Variants in SPOCK2 observed in about 807,000 individuals in gnomAD.
The protein encoded by SPOCK2 is testican-2.
Under a neutral mutation model 60.1 loss-of-function variants are expected in SPOCK2, and 39 were observed. The ratio of observed to expected loss-of-function variants is 0.65; its 90% CI spans 0.50 to 0.85. The LOEUF (loss-of-function observed/expected upper bound fraction) is 0.85. SPOCK2 is among the 40% of genes least tolerant of loss of function. The pLI is 0.00. For missense variants in SPOCK2, 523 were observed against 567.4 expected (o/e 0.92, Z 0.80); for synonymous variants, 217 against 231.5 (o/e 0.94, Z 0.57).
At chr10:72,077,592 T>C (rs1245561) in intron 1 of SPOCK2, among the ~76,000 whole-genome samples, 95,564 of 151,790 alleles carry the variant, frequency 0.63, 31,404 homozygotes, top group African/African-American at 0.84. Flanking sequence ...CGCTCTGTGC[T>C]TATGTCTAAT....
intron 8 of SPOCK2, among the ~76,000 whole-genome samples, chr10:72,066,178 T>G (rs1354490769): frequency 2.0e-5 from 3 of 152,162 alleles, no homozygotes; most frequent in Non-Finnish European, 4.4e-5. Flanking sequence ...ACAACGTATG[T>G]AATCACTTAT....
rs933960563 is a variant in SPOCK2, at chr10:72,074,025, G to C, written c.190-1115C>G. ...AGGGGCTCTGGGAGCTGGGGGGAGA[G>C]GGGCATGAGAAGCTACGCGCAGCTG... On this transcript the variant is annotated intron_variant, in intron 1 of 10. Coordinates refer to ENST00000373109, the MANE Select transcript of SPOCK2 (RefSeq NM_001244950.2). 2.0e-5 allele frequency among the ~76,000 whole-genome samples: 3 copies of C among 152,290 alleles called. No individual in the cohort carries two copies. The Middle Eastern group carries it at 0.01, about 518-fold the overall frequency.
At position 72,072,196 on chromosome 10, in the gene SPOCK2, C is replaced by T. The variant is rs375721745; in HGVS notation, c.307G>A (p.Ala103Thr). Residue 103 changes from alanine (A) to threonine (T), a missense_variant, in exon 4 of 11, where the codon GCC (alanine) becomes ACC (threonine). Transcript: ENST00000373109. ...VKCSRHKVCI[A>T]QGYQRAMCIS... is the part of the protein sequence containing the mutation. Reference sequence around the variant, plus strand: ...CACATGGCCCGCTGGTAGCCCTGGGCAATGCACACCTTGTGGCGGCTGCAC... The same window carrying T: ...CACATGGCCCGCTGGTAGCCCTGGGTAATGCACACCTTGTGGCGGCTGCAC... The T allele has an allele frequency of 4.5e-6, 7 of 1,560,566 alleles. No homozygotes were observed. The African/African-American group carries it at 5.4e-5, about 12-fold the overall frequency.
intron 1 of SPOCK2, among the ~76,000 whole-genome samples, chr10:72,078,432 A>T (rs1280665860): frequency 2.0e-5 from 3 of 152,102 alleles, no homozygotes; most frequent in Admixed American, 6.6e-5. Flanking sequence ...AATGGCGTGA[A>T]CCCGGTAGGC....
At chr10:72,082,411 T>C (rs1463072449) in intron 1 of SPOCK2, among the ~76,000 whole-genome samples, 1 of 151,986 alleles carries the variant, frequency 6.6e-6, no homozygotes, top group Admixed American at 6.6e-5. Context: ...AGAGACGGGG[T>C]TGTGGACTGC....
At chr10:72,088,609 T>C (rs1362301503), upstream of SPOCK2, 1 of 295,172 alleles carries the variant, frequency 3.4e-6, no homozygotes, top group Non-Finnish European at 6.1e-6. Flanking sequence ...TTTGACATCA[T>C]CATACCTGGT....
At chr10:72,088,823 G>A (rs1840903060), upstream of SPOCK2, 1 of 152,912 alleles carries the variant, frequency 6.5e-6, no homozygotes, top group Non-Finnish European at 1.5e-5. Context: ...TCTCCCCGGG[G>A]AAGATGGGAT....
At position 72,086,371 on chromosome 10, in the gene SPOCK2, A is replaced by G. The variant is rs1354864000; in HGVS notation, c.189+1769T>C. On this transcript the variant is annotated intron_variant, in intron 1 of 10. Coordinates refer to ENST00000373109, the MANE Select transcript of SPOCK2 (RefSeq NM_001244950.2). ...ACCCACGGAGCTGGCTATTGGAAGC[A>G]GGTGGAAGAAGGGAGGTGGGGAGGA... is the stretch of plus-strand genomic sequence containing the variant. 5 of 1,000,460 alleles carry G rather than the reference A, an allele frequency of 5.0e-6. No individual in the cohort carries two copies. The African/African-American group carries it at 8.7e-5, about 17-fold the overall frequency. The allele number at this position is 1,000,460 out of a possible 1,614,324, so 62.0% of individuals were successfully genotyped here. A position where few individuals can be genotyped will look rare whatever the true frequency, so the allele number is the denominator to read the frequency against.
intron 1 of SPOCK2, among the ~76,000 whole-genome samples, chr10:72,079,420 T>C (rs1840755191): frequency 6.6e-6 from 1 of 152,122 alleles, no homozygotes; most frequent in Non-Finnish European, 1.5e-5. Context: ...TCCAGGCATT[T>C]TTCAGAAACC....
chr10:72,073,591 G>C (rs1385237661), intron 1 of SPOCK2, among the ~76,000 whole-genome samples: 2 of 152,172 alleles, frequency 1.3e-5, no homozygotes, highest in African/African-American at 4.8e-5. Context: ...TTGTGCCGGA[G>C]AAAGCCCAGA....
intron 1 of SPOCK2, among the ~76,000 whole-genome samples, chr10:72,077,704 G>A (rs1258216868): frequency 1.3e-5 from 2 of 152,206 alleles, no homozygotes; most frequent in Admixed American, 6.5e-5. Context: ...CACACAAAGC[G>A]ATACAAGGTG....
chr10:72,081,427 G>A (rs76696890), intron 1 of SPOCK2, among the ~76,000 whole-genome samples: 6,568 of 152,312 alleles, frequency 0.043, 478 homozygotes, highest in African/African-American at 0.15. Flanking sequence ...AGCCTTGACC[G>A]ACTGGCAGGT....
chr10:72,087,427 C>T lies in SPOCK2; in HGVS notation c.189+713G>A, dbSNP rs1705202769. Reference sequence around the variant, plus strand: ...CCGGGCCGGGAGCCTTCCTCTGGCTCCGAGCTGCTCCCCTCGCTCCAGGCT... The same window carrying T: ...CCGGGCCGGGAGCCTTCCTCTGGCTTCGAGCTGCTCCCCTCGCTCCAGGCT... On this transcript the variant is annotated intron_variant, in intron 1 of 10. Coordinates refer to ENST00000373109, the MANE Select transcript of SPOCK2 (RefSeq NM_001244950.2). This position sits in a 1 kb window ranked among gnomAD's most constrained non-coding sequence, Gnocchi z 4.7. 6.6e-6 allele frequency among the ~76,000 whole-genome samples: 1 copy of T among 152,196 alleles called. No individual in the cohort carries two copies. Among genetic ancestry groups the T allele is most frequent in the South Asian group, 2.1e-4 (1 of 4,838 alleles).
In SPOCK2 at chr10:72,073,742, G is replaced by A. The variant is rs74370317; in HGVS notation, c.190-832C>T. Among the ~76,000 whole-genome samples, 490 of 152,330 alleles carry A rather than the reference G, an allele frequency of 3.2e-3. 5 individuals carry two copies. In the East Asian group the frequency reaches 0.033, roughly 10 times the overall value. ...TTCTCACCCTGCTCCAGCTGCAGGG[G>A]CCTCTCAGGCCCGTGGACCGCAGAG... On this transcript the variant is annotated intron_variant, in intron 1 of 10. Coordinates refer to ENST00000373109, the MANE Select transcript of SPOCK2 (RefSeq NM_001244950.2).
rs775974916 is a variant in SPOCK2, at chr10:72,063,021, G to C, written c.1129+4C>G. The C allele has an allele frequency of 8.3e-6, 13 of 1,559,682 alleles. No homozygotes were observed. The East Asian group carries it at 3.1e-4, about 37-fold the overall frequency. ...CAGCAGGCCCTGAGCTGCCCAGCCC[G>C]TACCGCAGTCGGGGCTCCCATGCGT... On this transcript the variant is annotated splice_donor_region_variant and intron_variant, in intron 10 of 10. Coordinates refer to ENST00000373109, the MANE Select transcript of SPOCK2 (RefSeq NM_001244950.2).
At chr10:72,066,587 A>C in intron 8 of SPOCK2, among the ~76,000 whole-genome samples, 1 of 145,150 alleles carries the variant, frequency 6.9e-6, no homozygotes, top group Admixed American at 7.0e-5. Context: ...TGATCCTCCC[A>C]CCTTGGCCTC....
chr10:72,067,014 G>A lies in SPOCK2; in HGVS notation c.816C>T (p.Ala272=), dbSNP rs1227956174. Residue 272 remains alanine (A), a synonymous_variant, in exon 8 of 11, where the codon GCC becomes GCT. Coordinates refer to ENST00000373109, the MANE Select transcript of SPOCK2 (RefSeq NM_001244950.2). ...DLFLDQTELA[A]INLDKYEVCI... ...AGACCTCGTACTTGTCCAGGTTGATGGCGGCCAGCTCCGTCTGGTCCAGGA... is the reference window on the plus strand; with the variant it reads ...AGACCTCGTACTTGTCCAGGTTGATAGCGGCCAGCTCCGTCTGGTCCAGGA... 2.5e-6 allele frequency: 4 copies of A among 1,614,220 alleles called. No homozygotes were observed. Among genetic ancestry groups the A allele is most frequent in the East Asian group, 2.2e-5 (1 of 44,884 alleles).
At position 72,086,362 on chromosome 10, in the gene SPOCK2, A is replaced by G. The variant is rs1032139870; in HGVS notation, c.189+1778T>C. ...TTTATTCTCACCCACGGAGCTGGCTATTGGAAGCAGGTGGAAGAAGGGAGG... is the reference window on the plus strand; with the variant it reads ...TTTATTCTCACCCACGGAGCTGGCTGTTGGAAGCAGGTGGAAGAAGGGAGG... On this transcript the variant is annotated intron_variant, in intron 1 of 10. Transcript: ENST00000373109. 5 of 999,982 alleles carry G rather than the reference A, an allele frequency of 5.0e-6. No individual in the cohort carries two copies. The African/African-American group carries it at 8.7e-5, about 17-fold the overall frequency. 61.9% of individuals were successfully genotyped at this position (999,982 alleles called of 1,614,324 possible).
intron 1 of SPOCK2, among the ~76,000 whole-genome samples, chr10:72,075,181 A>C (rs573665327): frequency 1.3e-5 from 2 of 152,176 alleles, no homozygotes; most frequent in South Asian, 4.2e-4. Flanking sequence ...AGGCCAAGAG[A>C]GGTGCAGCTG....
Sources: gnomAD v4.1 joint callset for allele counts (sites outside exome capture counted in the v4.1 genomes callset) on GRCh38, gnomAD v4.1.1 for gene constraint, Gnocchi (gnomAD v3.1) non-coding constraint, MANE v1.5 for transcripts, NCBI Gene and HGNC (gene_info 2026-07-23, HGNC 2026-07-21) for gene names.